EEIG2: variants seen among roughly 807,000 people sequenced by gnomAD.
EEIG2 encodes the protein EEIG family member 2, also known as family with sequence similarity 102 member B.
chr1:108,612,331 A>C, the EEIG2 span: 1 of 1,381,034 alleles, frequency 7.2e-7, no homozygotes, highest in Non-Finnish European at 1.0e-6. Context: ...CAAGAATAAA[A>C]TTATCTGCCT....
the EEIG2 span, among the ~76,000 whole-genome samples, chr1:108,599,706 T>C: frequency 6.6e-6 from 1 of 152,336 alleles, no homozygotes; most frequent in African/African-American, 2.4e-5. Flanking sequence ...TCATTTTCCT[T>C]ATCTTTAAAG....
At chr1:108,593,920 C>G in the EEIG2 span, among the ~76,000 whole-genome samples, 1 of 152,166 alleles carries the variant, frequency 6.6e-6, no homozygotes, top group African/African-American at 2.4e-5. Flanking sequence ...ATCCTCCCAC[C>G]TCAGCTGCCC....
the EEIG2 span, among the ~76,000 whole-genome samples, chr1:108,595,436 G>A: frequency 6.8e-6 from 1 of 146,714 alleles, no homozygotes; most frequent in Non-Finnish European, 1.5e-5. Flanking sequence ...GAGGAAAGGA[G>A]GGAGGGAGGG....
the EEIG2 span, among the ~76,000 whole-genome samples, chr1:108,573,482 G>T: frequency 6.6e-6 from 1 of 152,300 alleles, no homozygotes; most frequent in East Asian, 1.9e-4. Flanking sequence ...GGCTGGAAAG[G>T]TAACTACAGT....
the EEIG2 span, among the ~76,000 whole-genome samples, chr1:108,615,644 G>A: frequency 6.6e-6 from 1 of 151,862 alleles, no homozygotes. Flanking sequence ...AATTAGCCAG[G>A]CGTAGTGTGC....
the EEIG2 span, among the ~76,000 whole-genome samples, chr1:108,575,920 A>G: frequency 6.6e-6 from 1 of 151,136 alleles, no homozygotes; most frequent in Non-Finnish European, 1.5e-5. Flanking sequence ...ACTAAAAGCT[A>G]TGGATTTGTA....
chr1:108,590,970 A>G, the EEIG2 span, among the ~76,000 whole-genome samples: 3 of 152,226 alleles, frequency 2.0e-5, no homozygotes, highest in African/African-American at 7.2e-5. Flanking sequence ...ACAAGGCCAT[A>G]GCAACATTTC....
At chr1:108,610,157 T>G in the EEIG2 span, among the ~76,000 whole-genome samples, 44 of 152,324 alleles carry the variant, frequency 2.9e-4, no homozygotes, top group Non-Finnish European at 5.1e-4. Flanking sequence ...AGGTTTTGTT[T>G]TGTTTTCTTT....
At chr1:108,571,105 G>A in the EEIG2 span, among the ~76,000 whole-genome samples, 1 of 152,132 alleles carries the variant, frequency 6.6e-6, no homozygotes, top group Admixed American at 6.5e-5. Context: ...TGCAGGTGTT[G>A]GAGTGAAGAG....
chr1:108,588,488 C>T, the EEIG2 span, among the ~76,000 whole-genome samples: 2 of 151,976 alleles, frequency 1.3e-5, no homozygotes. Context: ...TACTTCTTGG[C>T]CATTTGTATG....
At chr1:108,634,751 T>G in the EEIG2 span, among the ~76,000 whole-genome samples, 11 of 152,192 alleles carry the variant, frequency 7.2e-5, no homozygotes, top group Non-Finnish European at 5.9e-5. Context: ...GTGCAAGTCC[T>G]GATGCACTGC....
the EEIG2 span, among the ~76,000 whole-genome samples, chr1:108,585,538 C>G: frequency 6.6e-6 from 1 of 152,100 alleles, no homozygotes; most frequent in Non-Finnish European, 1.5e-5. Flanking sequence ...CTGTGCCACT[C>G]AAGGAAGGTC....
At chr1:108,623,973 A>G in the EEIG2 span, among the ~76,000 whole-genome samples, 1 of 152,082 alleles carries the variant, frequency 6.6e-6, no homozygotes, top group Non-Finnish European at 1.5e-5. Context: ...CACCCAGCCA[A>G]AAATTTTTAA....
At chr1:108,583,261 G>T in the EEIG2 span, among the ~76,000 whole-genome samples, 4,200 of 151,930 alleles carry the variant, frequency 0.028, 211 homozygotes, top group African/African-American at 0.095. Context: ...GGGCTTAGGT[G>T]ATCCTCCTGA....
the EEIG2 span, among the ~76,000 whole-genome samples, chr1:108,568,351 T>C: frequency 6.6e-6 from 1 of 152,126 alleles, no homozygotes; most frequent in Non-Finnish European, 1.5e-5. Flanking sequence ...ATGTTCGGTT[T>C]GGGGTGCAGG....
the EEIG2 span, among the ~76,000 whole-genome samples, chr1:108,567,891 AG>A: frequency 2.6e-5 from 4 of 152,064 alleles, no homozygotes; most frequent in Non-Finnish European, 4.4e-5. Flanking sequence ...CCAGCTACTC[AG>A]GGAGACTGAG....
chr1:108,615,234 C>T, the EEIG2 span, among the ~76,000 whole-genome samples: 3 of 152,048 alleles, frequency 2.0e-5, no homozygotes, highest in South Asian at 6.2e-4. Context: ...ACTTAATCTC[C>T]CTGAGGTTAA....
chr1:108,561,426 C>T, the EEIG2 span, among the ~76,000 whole-genome samples: 31 of 152,170 alleles, frequency 2.0e-4, no homozygotes, highest in Non-Finnish European at 4.0e-4. Context: ...TTCCTGAGAT[C>T]AAGAAGGGTT....
the EEIG2 span, among the ~76,000 whole-genome samples, chr1:108,592,408 A>G: frequency 6.6e-6 from 1 of 152,200 alleles, no homozygotes; most frequent in African/African-American, 2.4e-5. Flanking sequence ...TTTGCACATC[A>G]TGAGGTAATT....
Sources: allele counts gnomAD v4.1 joint callset (sites outside exome capture counted in the v4.1 genomes callset), GRCh38; gene constraint gnomAD v4.1.1; transcripts MANE v1.5; gene names NCBI Gene and HGNC (gene_info 2026-07-23, HGNC 2026-07-21).